Variants in NTNG2 observed in about 807,000 individuals in gnomAD.
The protein encoded by NTNG2 is netrin G2.
NTNG2 carries 15 observed loss-of-function variants against 47.6 expected under a neutral mutation model. The observed-to-expected ratio is 0.32, with a 90% CI of 0.21 to 0.49. NTNG2 has a LOEUF of 0.49. Ranked by LOEUF, NTNG2 falls within the 20% of genes least tolerant of loss-of-function variation. The probability of loss-of-function intolerance (pLI) is 0.99; values close to 1 mark genes in which losing one functional copy is unlikely to be tolerated. For missense variants in NTNG2, 578 were observed against 764.6 expected (o/e 0.76, Z 2.88); for synonymous variants, 307 against 324.6 (o/e 0.95, Z 0.58).
At chr9:132,165,545 G>A (rs1376523417) in intron 1 of NTNG2, among the ~76,000 whole-genome samples, 1 of 152,170 alleles carries the variant, frequency 6.6e-6, no homozygotes, top group Non-Finnish European at 1.5e-5. Flanking sequence ...TATGATTGGG[G>A]GGCTGTTTCT....
intron 3 of NTNG2, among the ~76,000 whole-genome samples, chr9:132,216,807 C>T (rs910868753): frequency 6.6e-6 from 1 of 152,152 alleles, no homozygotes. Context: ...CCAGACTGCC[C>T]GCCCAGGTCC....
chr9:132,230,570 A>G lies in NTNG2; in HGVS notation c.1031-2A>G. 1.2e-6 allele frequency: 2 copies of G among 1,604,338 alleles called. No individual in the cohort carries two copies. Among genetic ancestry groups the G allele is most frequent in the South Asian group, 1.1e-5 (1 of 88,994 alleles). On this transcript the variant is annotated splice_acceptor_variant, in intron 4 of 7. Coordinates refer to ENST00000393229, the MANE Select transcript of NTNG2 (RefSeq NM_032536.4). LOFTEE classifies it high-confidence loss of function. ...CAGCTCACGCCCGTCTCTCTCCCACAGGTGCCACTGCAGGTTCCTTTGGCA... is the reference window on the plus strand; with the variant it reads ...CAGCTCACGCCCGTCTCTCTCCCACGGGTGCCACTGCAGGTTCCTTTGGCA...
In NTNG2 at chr9:132,180,205, C is replaced by T. The variant is rs991650334; in HGVS notation, c.213+13161C>T. 3.3e-5 allele frequency among the ~76,000 whole-genome samples: 5 copies of T among 152,226 alleles called. No homozygotes were observed. The highest frequency in any genetic ancestry group is 7.2e-5 in the African/African-American group (3 of 41,462). ...TGGGGAAATAAAAGGAAATGAAACA[C>T]GACCAGGCATTTTCCCTTGGCCGAA... is the stretch of plus-strand genomic sequence containing the variant. On this transcript the variant is annotated intron_variant, in intron 2 of 7. Coordinates refer to ENST00000393229, the MANE Select transcript of NTNG2 (RefSeq NM_032536.4). The surrounding 1 kb of genome is among the most constrained non-coding windows in gnomAD (Gnocchi z 4.2).
Position 132,226,892 on chromosome 9 carries a change from G to A in NTNG2, c.901G>A (p.Gly301Ser). Reference sequence around the variant, plus strand: ...CGCCAACCTGTGCTCCATGCGCGAGGGCAGCCTGCAGTGCGAGTGCGAGCA... The same window carrying A: ...CGCCAACCTGTGCTCCATGCGCGAGAGCAGCCTGCAGTGCGAGTGCGAGCA... ...LHANLCSMREGSLQCECEHNT... is the reference protein window; with the variant it reads ...LHANLCSMRESSLQCECEHNT... The change falls in exon 4 of 8, where the codon GGC (glycine) becomes AGC (serine). Residue 301 changes from glycine (G) to serine (S), a missense_variant. Gly to Ser is a moderately conservative substitution (Grantham distance 56). Coordinates refer to ENST00000393229, the MANE Select transcript of NTNG2 (RefSeq NM_032536.4). The surrounding 1 kb of genome is among the most constrained non-coding windows in gnomAD (Gnocchi z 4.8). 6.2e-7 allele frequency: 1 copy of A among 1,612,144 alleles called. No homozygotes were observed. The highest frequency in any genetic ancestry group is 8.5e-7 in the Non-Finnish European group (1 of 1,179,402).
intron 3 of NTNG2, 127 bp downstream of exon 3, chr9:132,198,736 G>T: frequency 9.9e-7 from 1 of 1,013,460 alleles, no homozygotes; most frequent in Non-Finnish European, 1.4e-6. Context: ...GATGTTACCT[G>T]GTTCCCTGGG....
Position 132,189,064 on chromosome 9 carries a change from C to CGTTTTTTTTT in NTNG2, c.214-8902_214-8901insGTTTTTTTTT, listed in dbSNP as rs1837636142. On this transcript the variant is annotated intron_variant, in intron 2 of 7. Transcript: ENST00000393229. The stretch of plus-strand genomic sequence containing the variant: ...GTTTTATGTGAAAAAGGCTTTAAGC[C>CGTTTTTTTTT]TTTCTTTTTTTTTTTTTTTTTTTTT... Among the ~76,000 whole-genome samples, 9 of 61,774 alleles carry CGTTTTTTTTT rather than the reference C, an allele frequency of 1.5e-4. No homozygotes were observed. The East Asian group carries it at 2.2e-3, about 15-fold the overall frequency. The allele number at this position is 61,774 out of a possible 152,430, so 40.5% of individuals were successfully genotyped here. A position where few individuals can be genotyped will look rare whatever the true frequency, so the allele number is the denominator to read the frequency against.
rs951738479 is a variant in NTNG2, at chr9:132,244,418, G to A, written c.*2307G>A. ...TGGTCTCAAACTCCTAGGCTCAAGT[G>A]AGCCTCCGGCCTTGGCCTCCCGAAG... On this transcript the variant is annotated 3_prime_UTR_variant, in exon 8 of 8. Transcript: ENST00000393229. The A allele has an allele frequency of 2.0e-5, 3 of 152,326 alleles. No individual in the cohort carries two copies. Among genetic ancestry groups the A allele is most frequent in the Non-Finnish European group, 4.4e-5 (3 of 68,122 alleles). 9.4% of individuals were successfully genotyped at this position (152,326 alleles called of 1,614,324 possible). A position where few individuals can be genotyped will look rare whatever the true frequency, so the allele number is the denominator to read the frequency against.
chr9:132,203,246 A>G (rs1473035678), intron 3 of NTNG2, among the ~76,000 whole-genome samples: 1 of 152,164 alleles, frequency 6.6e-6, no homozygotes, highest in Non-Finnish European at 1.5e-5. Context: ...AGGCTGAGGC[A>G]GAAGGATTAT....
intron 2 of NTNG2, among the ~76,000 whole-genome samples, chr9:132,176,114 C>T (rs775047519): frequency 6.6e-6 from 1 of 151,712 alleles, no homozygotes; most frequent in Non-Finnish European, 1.5e-5. Context: ...TTTGGGAGGC[C>T]GAGGCAGGAG....
intron 3 of NTNG2, among the ~76,000 whole-genome samples, chr9:132,211,700 G>A (rs531284563): frequency 4.2e-4 from 64 of 152,238 alleles, no homozygotes; most frequent in African/African-American, 1.5e-3. Flanking sequence ...CTGAAGGCTG[G>A]AGACCTGTGC....
intron 7 of NTNG2, 140 bp downstream of exon 7, chr9:132,241,184 T>C (rs1214860363): frequency 8.9e-6 from 3 of 336,692 alleles, no homozygotes; most frequent in Non-Finnish European, 1.0e-5. Flanking sequence ...GGGAAGTGGG[T>C]GGGGCCTAGT....
In NTNG2 at chr9:132,226,835, C is replaced by T. The variant is rs777990612; in HGVS notation, c.858-14C>T. 13 of 1,579,518 alleles carry T rather than the reference C, an allele frequency of 8.2e-6. No homozygotes were observed. Among genetic ancestry groups the T allele is most frequent in the Admixed American group, 1.8e-5 (1 of 55,826 alleles). On this transcript the variant is annotated splice_polypyrimidine_tract_variant and intron_variant, in intron 3 of 7. Coordinates refer to ENST00000393229, the MANE Select transcript of NTNG2 (RefSeq NM_032536.4). This position sits in a 1 kb window ranked among gnomAD's most constrained non-coding sequence, Gnocchi z 4.8. The stretch of plus-strand genomic sequence containing the variant: ...AAGCTCTCTGACATCTCTGCCCTCT[C>T]GGTGTCTCCCCAGGTGCAAGTGCAA...
chr9:132,234,842 G>A (rs1049208797), intron 5 of NTNG2, among the ~76,000 whole-genome samples: 3 of 152,196 alleles, frequency 2.0e-5, no homozygotes, highest in African/African-American at 4.8e-5. Context: ...AAAGCTCCCC[G>A]CTCCCAGCTG....
intron 3 of NTNG2, among the ~76,000 whole-genome samples, chr9:132,201,707 C>T (rs147885018): frequency 0.012 from 1,777 of 152,366 alleles, 20 homozygotes; most frequent in Middle Eastern, 0.024. Flanking sequence ...GTTTATCGAG[C>T]ATTTGCTACG....
intron 6 of NTNG2, 79 bp downstream of exon 6, chr9:132,239,350 G>A (rs1402315415): frequency 2.7e-6 from 4 of 1,462,370 alleles, no homozygotes; most frequent in African/African-American, 2.8e-5. Context: ...GGCCTCTGGG[G>A]CCCCCTGCAT....
intron 3 of NTNG2, among the ~76,000 whole-genome samples, chr9:132,209,894 A>G (rs144777882): frequency 0.027 from 3,026 of 113,506 alleles, 72 homozygotes; most frequent in African/African-American, 0.07. Context: ...AGAATCCACC[A>G]GGACTGAAGA....
chr9:132,219,857 G>A (rs900211471), intron 3 of NTNG2, among the ~76,000 whole-genome samples: 1 of 152,120 alleles, frequency 6.6e-6, no homozygotes, highest in African/African-American at 2.4e-5. Flanking sequence ...GTTTCTCTTG[G>A]TTATATACCT....
At chr9:132,188,122 C>T (rs1424687713) in intron 2 of NTNG2, among the ~76,000 whole-genome samples, 1 of 152,242 alleles carries the variant, frequency 6.6e-6, no homozygotes, top group African/African-American at 2.4e-5. Flanking sequence ...GGGGCTAGCT[C>T]GGCTGCCTTT....
intron 4 of NTNG2, among the ~76,000 whole-genome samples, chr9:132,228,526 T>C (rs1370927737): frequency 6.7e-6 from 1 of 150,216 alleles, no homozygotes; most frequent in African/African-American, 2.4e-5. Flanking sequence ...TTCCCTCCTC[T>C]CTGTCTCAGT....
Sources: allele counts gnomAD v4.1 joint callset (sites outside exome capture counted in the v4.1 genomes callset), GRCh38; gene constraint gnomAD v4.1.1; non-coding constraint Gnocchi (gnomAD v3.1); transcripts MANE v1.5; gene names NCBI Gene and HGNC (gene_info 2026-07-23, HGNC 2026-07-21).